Variants in CALN1 observed in about 807,000 individuals in gnomAD.
The protein encoded by CALN1 is calcium-binding protein 8.
A neutral mutation model predicts 30.6 loss-of-function variants in CALN1; 17 were observed. That is an observed-to-expected ratio of 0.56 (90% confidence interval 0.38 to 0.83). CALN1 has a LOEUF of 0.83. Among genes scored for constraint, CALN1 ranks in the 40% least tolerant of loss-of-function variants. The pLI is 0.00. For synonymous variants in CALN1, 156 were observed against 131.4 expected (o/e 1.19, Z -1.28); for missense variants, 291 against 354.9 (o/e 0.82, Z 1.45).
chr7:72,106,959 A>AAGAAAGGG (rs1253587917), intron 3 of CALN1, among the ~76,000 whole-genome samples: 2 of 151,576 alleles, frequency 1.3e-5, no homozygotes, highest in Non-Finnish European at 1.5e-5. Context: ...AAAAGAAATG[A>AAGAAAGGG]AGAAAGGGAG....
chr7:72,059,299 G>C (rs1271607789), intron 4 of CALN1, among the ~76,000 whole-genome samples: 1 of 152,144 alleles, frequency 6.6e-6, no homozygotes, highest in Non-Finnish European at 1.5e-5. Context: ...GCAATGGTAT[G>C]ATAGGGATGG....
At chr7:72,027,766 CAT>C (rs766473630) in intron 4 of CALN1, among the ~76,000 whole-genome samples, 59 of 148,398 alleles carry the variant, frequency 4.0e-4, no homozygotes, top group South Asian at 6.5e-4. Flanking sequence ...CACAAAAACA[CAT>C]GAGACCTGGC....
chr7:72,278,546 T>C (rs1050014381), intron 3 of CALN1, 140 bp downstream of exon 3: 2 of 1,151,598 alleles, frequency 1.7e-6, no homozygotes, highest in East Asian at 5.0e-5. Context: ...CTCTGAACTC[T>C]TTCCCATTAT....
At chr7:71,844,680 A>T (rs1490859658) in intron 5 of CALN1, among the ~76,000 whole-genome samples, 1 of 152,208 alleles carries the variant, frequency 6.6e-6, no homozygotes, top group Non-Finnish European at 1.5e-5. Flanking sequence ...TGGAAAGGGC[A>T]GAAGAGAAAA....
chr7:72,272,320 G>C (rs1455165532), intron 3 of CALN1, among the ~76,000 whole-genome samples: 1 of 151,986 alleles, frequency 6.6e-6, no homozygotes, highest in Non-Finnish European at 1.5e-5. Flanking sequence ...TCAGCACTTT[G>C]GGAGGTCGAG....
At chr7:72,338,443 T>G (rs1289870128) in intron 2 of CALN1, among the ~76,000 whole-genome samples, 1 of 142,434 alleles carries the variant, frequency 7.0e-6, no homozygotes, top group Non-Finnish European at 1.5e-5. Flanking sequence ...CCAGGGAAGT[T>G]TGGGCGTTTT....
At chr7:71,850,944 G>C (rs996878337) in intron 5 of CALN1, among the ~76,000 whole-genome samples, 20 of 152,254 alleles carry the variant, frequency 1.3e-4, no homozygotes, top group African/African-American at 4.8e-4. Flanking sequence ...CTGGTGCAGT[G>C]GCTCATGCCT....
chr7:71,893,672 C>G (rs558520846), intron 5 of CALN1, among the ~76,000 whole-genome samples: 5 of 150,212 alleles, frequency 3.3e-5, no homozygotes, highest in Admixed American at 2.0e-4. Context: ...GCCTGGGCGA[C>G]AGAGCAAGAC....
chr7:72,495,482 GA>G, the CALN1 span, among the ~76,000 whole-genome samples: 3 of 152,182 alleles, frequency 2.0e-5, no homozygotes, highest in Admixed American at 6.6e-5. Context: ...ACATTGCAGG[GA>G]ACAAGGCACA....
rs1362202897 is a variant in CALN1, at chr7:72,255,797, C to A, written c.244+22889G>T. The stretch of plus-strand genomic sequence containing the variant: ...CCAGGCTGGAGTGCAGTGGCGCAAT[C>A]TCGGCTCACTGCAACCTCCGTCTCC... On this transcript the variant is annotated intron_variant, in intron 3 of 6. Coordinates refer to ENST00000395275, the MANE Select transcript of CALN1 (RefSeq NM_031468.4). Among the ~76,000 whole-genome samples, 8 of 151,106 alleles carry A rather than the reference C, an allele frequency of 5.3e-5. No homozygotes were observed. The East Asian group carries it at 1.4e-3, about 26-fold the overall frequency.
intron 5 of CALN1, among the ~76,000 whole-genome samples, chr7:71,828,721 T>C (rs1477974778): frequency 6.7e-6 from 1 of 148,442 alleles, no homozygotes; most frequent in Non-Finnish European, 1.5e-5. Context: ...TATGTATATG[T>C]GTGTGTGTGT....
At chr7:71,991,689 A>C (rs1798962937) in intron 5 of CALN1, among the ~76,000 whole-genome samples, 1 of 152,258 alleles carries the variant, frequency 6.6e-6, no homozygotes, top group African/African-American at 2.4e-5. Flanking sequence ...TACAAAGAAC[A>C]AGAAAACAAG....
intron 5 of CALN1, among the ~76,000 whole-genome samples, chr7:71,918,615 C>T (rs1584508800): frequency 2.6e-5 from 4 of 152,294 alleles, no homozygotes; most frequent in African/African-American, 9.6e-5. Flanking sequence ...GCCTGAAATT[C>T]TTGAAGACAG....
At chr7:71,827,775 A>AAAAATAAAT (rs1554347603) in intron 5 of CALN1, among the ~76,000 whole-genome samples, 1 of 140,282 alleles carries the variant, frequency 7.1e-6, no homozygotes, top group African/African-American at 2.7e-5. Context: ...CCATCTTAAA[A>AAAAATAAAT]AAATAAATAA....
At chr7:72,408,663 T>A (rs970874869) in intron 1 of CALN1, among the ~76,000 whole-genome samples, 1 of 122,638 alleles carries the variant, frequency 8.2e-6, no homozygotes, top group Non-Finnish European at 1.7e-5. Flanking sequence ...GACCACCAAT[T>A]ATTATCTTTT....
chr7:71,952,187 T>A (rs1257007228), intron 5 of CALN1, among the ~76,000 whole-genome samples: 1 of 152,218 alleles, frequency 6.6e-6, no homozygotes, highest in Non-Finnish European at 1.5e-5. Flanking sequence ...ATATGCGACC[T>A]GCAACTGCTA....
intron 6 of CALN1, among the ~76,000 whole-genome samples, chr7:71,797,822 C>T (rs1216814735): frequency 2.0e-5 from 3 of 152,160 alleles, no homozygotes; most frequent in Admixed American, 2.0e-4. Context: ...AACTTAGTCC[C>T]TGACTTCACC....
At chr7:72,414,007 C>T (rs560842675), upstream of CALN1, among the ~76,000 whole-genome samples, 65 of 152,226 alleles carry the variant, frequency 4.3e-4, no homozygotes, top group South Asian at 0.011. Context: ...GAGTCCCCTG[C>T]TACAATTAAA....
At chr7:72,265,834 G>T (rs1056466054) in intron 3 of CALN1, among the ~76,000 whole-genome samples, 1 of 151,952 alleles carries the variant, frequency 6.6e-6, no homozygotes, top group Admixed American at 6.6e-5. Context: ...CTGTTGGGAA[G>T]GCTTTCTAAA....
Sources: gnomAD v4.1 joint callset for allele counts (sites outside exome capture counted in the v4.1 genomes callset) on GRCh38, gnomAD v4.1.1 for gene constraint, MANE v1.5 for transcripts, NCBI Gene and HGNC (gene_info 2026-07-23, HGNC 2026-07-21) for gene names.